Variants in RAP1B observed in about 807,000 individuals in gnomAD.
RAP1B encodes RAP1B, member of RAS oncogene family.
Under a neutral mutation model 27.5 loss-of-function variants are expected in RAP1B, and 1 was observed. The observed-to-expected ratio is 0.04, with a 90% CI of 0.01 to 0.17. The LOEUF is 0.17. RAP1B is among the 10% of genes least tolerant of loss of function. The probability of loss-of-function intolerance (pLI) is 1.00; values close to 1 mark genes in which losing one functional copy is unlikely to be tolerated. For synonymous variants in RAP1B, 75 were observed against 73.1 expected (o/e 1.03, Z -0.13); for missense variants, 84 against 214.8 (o/e 0.39, Z 3.81).
rs1354810302 is a variant in RAP1B, at chr12:68,633,408, C to CCACA, written c.-26-15290_-26-15287dup. 2.6e-5 allele frequency among the ~76,000 whole-genome samples: 4 copies of CCACA among 152,310 alleles called. No individual in the cohort carries two copies. In the East Asian group the frequency reaches 7.7e-4, roughly 29 times the overall value. ...TAGACAATTGTTCTCTTCTCTGCATCCACAGCAAGCACTTTATTCTGTAGA... is the reference window on the plus strand; with the variant it reads ...TAGACAATTGTTCTCTTCTCTGCATCCACACACAGCAAGCACTTTATTCTGTAGA... On this transcript the variant is annotated intron_variant, in intron 1 of 7. Transcript: ENST00000250559.
At chr12:68,636,817 C>T (rs1872662691) in intron 1 of RAP1B, among the ~76,000 whole-genome samples, 1 of 151,976 alleles carries the variant, frequency 6.6e-6, no homozygotes, top group Non-Finnish European at 1.5e-5. Context: ...TCATGCCCAG[C>T]TAATTTTTGT....
At chr12:68,614,052 T>C (rs772518459) in intron 1 of RAP1B, among the ~76,000 whole-genome samples, 1 of 152,242 alleles carries the variant, frequency 6.6e-6, no homozygotes, top group Non-Finnish European at 1.5e-5. Flanking sequence ...TATCTTCCTA[T>C]CTAATTCAAG....
intron 1 of RAP1B, among the ~76,000 whole-genome samples, chr12:68,620,508 G>A (rs1239503948): frequency 6.6e-6 from 1 of 151,774 alleles, no homozygotes; most frequent in African/African-American, 2.4e-5. Flanking sequence ...GCCACTCTGT[G>A]GCCTTCTTTT....
intron 7 of RAP1B, 57 bp downstream of exon 7, chr12:68,657,274 C>G (rs955586609): frequency 1.1e-5 from 12 of 1,113,554 alleles, no homozygotes; most frequent in Non-Finnish European, 1.3e-5. Context: ...TAAGGGCACT[C>G]TGTCATGAAA....
At chr12:68,658,808 G>A (rs1874410318) in intron 7 of RAP1B, among the ~76,000 whole-genome samples, 1 of 152,164 alleles carries the variant, frequency 6.6e-6, no homozygotes, top group Admixed American at 6.6e-5. Flanking sequence ...GGAAGAACTT[G>A]ATTATCTGAT....
intron 5 of RAP1B, among the ~76,000 whole-genome samples, chr12:68,656,085 C>G (rs1874185995): frequency 1.3e-5 from 2 of 152,052 alleles, no homozygotes; most frequent in South Asian, 4.1e-4. Context: ...GTTTGCATCT[C>G]CATGAAAAGA....
intron 1 of RAP1B, among the ~76,000 whole-genome samples, chr12:68,620,510 C>T (rs1871316874): frequency 1.3e-5 from 2 of 151,880 alleles, no homozygotes; most frequent in African/African-American, 4.8e-5. Context: ...CACTCTGTGG[C>T]CTTCTTTTTT....
chr12:68,627,964 C>T (rs1281736872), intron 1 of RAP1B, among the ~76,000 whole-genome samples: 1 of 151,974 alleles, frequency 6.6e-6, no homozygotes, highest in Non-Finnish European at 1.5e-5. Flanking sequence ...AAAATTTAAT[C>T]AGGCATGCAG....
intron 1 of RAP1B, among the ~76,000 whole-genome samples, chr12:68,647,707 C>T (rs1873531138): frequency 6.6e-6 from 1 of 151,922 alleles, no homozygotes; most frequent in East Asian, 1.9e-4. Flanking sequence ...AGCACTGTCA[C>T]TCAAGTGAAG....
chr12:68,639,244 G>A (rs1272250001), intron 1 of RAP1B, among the ~76,000 whole-genome samples: 1 of 152,136 alleles, frequency 6.6e-6, no homozygotes, highest in Non-Finnish European at 1.5e-5. Flanking sequence ...TGCTTCAAGC[G>A]TTTACATGGT....
rs1412884867 is a variant in RAP1B, at chr12:68,664,822, ATTC to A, written c.*5580_*5582del. 1 of 152,244 alleles carries A rather than the reference ATTC, an allele frequency of 6.6e-6. No individual in the cohort carries two copies. Among genetic ancestry groups the A allele is most frequent in the Non-Finnish European group, 1.5e-5 (1 of 68,040 alleles). 9.4% of individuals were successfully genotyped at this position (152,244 alleles called of 1,614,324 possible). ...CTAATAACTTTTCTAACCATAGGTG[ATTC>A]TTCTTCCATTATCCATACTAAAGCA... On this transcript the variant is annotated 3_prime_UTR_variant, in exon 8 of 8. Transcript: ENST00000250559.
rs774755588 is a variant in RAP1B, at chr12:68,668,676, T to C, written c.*9427T>C. The C allele has an allele frequency of 6.6e-6, 1 of 152,306 alleles. No individual in the cohort carries two copies. The highest frequency in any genetic ancestry group is 2.1e-4 in the South Asian group (1 of 4,828). The allele number at this position is 152,306 out of a possible 1,614,324, so 9.4% of individuals were successfully genotyped here. A position where few individuals can be genotyped will look rare whatever the true frequency, so the allele number is the denominator to read the frequency against. ...TTTCTGCCGTCCTATGAATCACAAATAGAAGTTTAAGAAAGCTGTCAGGTA... is the reference window on the plus strand; with the variant it reads ...TTTCTGCCGTCCTATGAATCACAAACAGAAGTTTAAGAAAGCTGTCAGGTA... On this transcript the variant is annotated 3_prime_UTR_variant, in exon 8 of 8. Coordinates refer to ENST00000250559, the MANE Select transcript of RAP1B (RefSeq NM_001010942.3).
At chr12:68,637,560 C>T (rs949687666) in intron 1 of RAP1B, among the ~76,000 whole-genome samples, 1 of 132,478 alleles carries the variant, frequency 7.5e-6, no homozygotes, top group Non-Finnish European at 1.5e-5. Flanking sequence ...TCACACACCA[C>T]TGCACTCCAG....
intron 1 of RAP1B, among the ~76,000 whole-genome samples, chr12:68,646,474 T>G (rs1409160777): frequency 6.6e-6 from 1 of 152,162 alleles, no homozygotes; most frequent in East Asian, 1.9e-4. Context: ...TTTTGTACTT[T>G]TAGTAGAAAC....
At chr12:68,645,138 C>T (rs1023729790) in intron 1 of RAP1B, among the ~76,000 whole-genome samples, 1 of 152,176 alleles carries the variant, frequency 6.6e-6, no homozygotes, top group Non-Finnish European at 1.5e-5. Flanking sequence ...GGGAATATGG[C>T]AGTGAGTAAA....
rs149360851 is a variant in RAP1B, at chr12:68,653,251, A to G, written c.184-861A>G. 9.2e-3 allele frequency among the ~76,000 whole-genome samples: 1,397 copies of G among 152,248 alleles called. 10 individuals carry two copies. The highest frequency in any genetic ancestry group is 0.02 in the South Asian group (94 of 4,810). On this transcript the variant is annotated intron_variant, in intron 4 of 7. Transcript: ENST00000250559. ...TTTGATTGGTATCTGTTCTCCTTCA[A>G]CGTATTTATAGACAAACTAAATTTG...
rs1251210061 is a variant in RAP1B, at chr12:68,662,625, CTCT to C, written c.*3381_*3383del. 3 of 151,932 alleles carry C rather than the reference CTCT, an allele frequency of 2.0e-5. No individual in the cohort carries two copies. The highest frequency in any genetic ancestry group is 2.9e-5 in the Non-Finnish European group (2 of 67,980). The allele number at this position is 151,932 out of a possible 1,614,324, so 9.4% of individuals were successfully genotyped here. A position where few individuals can be genotyped will look rare whatever the true frequency, so the allele number is the denominator to read the frequency against. On this transcript the variant is annotated 3_prime_UTR_variant, in exon 8 of 8. Coordinates refer to ENST00000250559, the MANE Select transcript of RAP1B (RefSeq NM_001010942.3). The stretch of plus-strand genomic sequence containing the variant: ...TGAATTTAATCTCCATCTATTCTAT[CTCT>C]TCTTAAATCTTGGAAATGTAAAAGG...
intron 1 of RAP1B, among the ~76,000 whole-genome samples, chr12:68,628,242 G>T (rs979203037): frequency 3.3e-5 from 5 of 152,152 alleles, no homozygotes; most frequent in Non-Finnish European, 5.9e-5. Context: ...ATTTCTGATA[G>T]ATTTCTCTTC....
chr12:68,654,360 G>A, intron 5 of RAP1B, 108 bp downstream of exon 5: 2 of 432,186 alleles, frequency 4.6e-6, no homozygotes, highest in South Asian at 4.8e-5. Flanking sequence ...TTGGGGGGGG[G>A]GTGTTGGTTT....
Sources: allele counts gnomAD v4.1 joint callset (sites outside exome capture counted in the v4.1 genomes callset), GRCh38; gene constraint gnomAD v4.1.1; transcripts MANE v1.5; gene names NCBI Gene and HGNC (gene_info 2026-07-23, HGNC 2026-07-21).